The following RELCH variants were observed in gnomAD, a reference collection of about 807,000 sequenced individuals.
The protein encoded by RELCH is RAB11 binding and LisH domain, coiled-coil and HEAT repeat containing, also known as RAB11-binding protein RELCH.
In RELCH, 41 loss-of-function variants were observed where a neutral mutation model predicts 150.3. That is an observed-to-expected ratio of 0.27 (90% CI 0.21 to 0.35). The LOEUF is 0.35. Among genes scored for constraint, RELCH ranks in the 10% least tolerant of loss-of-function variants. RELCH has a pLI of 1.00. For missense variants in RELCH, 1,092 were observed against 1,467.8 expected (o/e 0.74, Z 4.18); for synonymous variants, 478 against 531.8 (o/e 0.90, Z 1.39).
chr18:62,215,523 T>G (rs2040425848), intron 2 of RELCH, among the ~76,000 whole-genome samples: 1 of 152,176 alleles, frequency 6.6e-6, no homozygotes, highest in African/African-American at 2.4e-5. Flanking sequence ...ACATATTCCT[T>G]CAAAGAGGAA....
chr18:62,255,234 C>A (rs1281101248), intron 12 of RELCH, among the ~76,000 whole-genome samples, 173 bp from the exon 13 acceptor site: 1 of 152,064 alleles, frequency 6.6e-6, no homozygotes, highest in Non-Finnish European at 1.5e-5. Flanking sequence ...TATTTAGGTT[C>A]TCCCTCACTC....
chr18:62,291,017 T>A lies in RELCH; in HGVS notation c.3371-526T>A, dbSNP rs568340112. Among the ~76,000 whole-genome samples, 19 of 152,216 alleles carry A rather than the reference T, an allele frequency of 1.2e-4. 1 individual carries two copies. The highest frequency in any genetic ancestry group is 4.6e-4 in the African/African-American group (19 of 41,454). On this transcript the variant is annotated intron_variant, in intron 26 of 28. Coordinates refer to ENST00000644646, the MANE Select transcript of RELCH (RefSeq NM_001346231.2). ...CATCTGTAATGCAGTTGTCTATGAT[T>A]TGCAGGTTAAAGTTCTTTAAAGAGG...
Position 62,298,820 on chromosome 18 carries a change from G to C in RELCH, c.3490G>C (p.Glu1164Gln). The change falls in exon 28 of 29, where the codon GAA becomes CAA. Residue 1164 changes from glutamate (E) to glutamine (Q), a missense_variant. Glu to Gln is a conservative substitution (Grantham distance 29). Around this residue, in one of 4 missense-constraint regions of RELCH, gnomAD observed 707 missense variants for 1,025.4 expected, o/e 0.69. Transcript: ENST00000644646. ...VILSSMIKEC[E>Q]QKVENKTVQE... Reference sequence around the variant, plus strand: ...TTTAAGTTCCATGATAAAAGAATGTGAACAAAAAGTTGAAAACAAGACCGT... The same window carrying C: ...TTTAAGTTCCATGATAAAAGAATGTCAACAAAAAGTTGAAAACAAGACCGT... 1 of 1,588,958 alleles carries C rather than the reference G, an allele frequency of 6.3e-7. No homozygotes were observed. Among genetic ancestry groups the C allele is most frequent in the Middle Eastern group, 1.7e-4 (1 of 5,996 alleles).
chr18:62,275,894 T>G (rs563977130), intron 22 of RELCH, among the ~76,000 whole-genome samples: 1 of 152,318 alleles, frequency 6.6e-6, no homozygotes, highest in African/African-American at 2.4e-5. Context: ...ATGGAAATGT[T>G]TATTTTATTG....
intron 18 of RELCH, among the ~76,000 whole-genome samples, chr18:62,265,744 G>C (rs1003877032): frequency 2.0e-5 from 3 of 151,928 alleles, no homozygotes; most frequent in African/African-American, 7.2e-5. Context: ...TGTGGGCTTA[G>C]TCTTTTCATG....
chr18:62,209,505 C>T (rs1201418967), intron 1 of RELCH, among the ~76,000 whole-genome samples: 1 of 151,998 alleles, frequency 6.6e-6, no homozygotes, highest in East Asian at 1.9e-4. Context: ...ATCTGTATGC[C>T]AAAACTGTGC....
At chr18:62,221,812 AG>A (rs2040894403) in intron 5 of RELCH, among the ~76,000 whole-genome samples, 1 of 151,862 alleles carries the variant, frequency 6.6e-6, no homozygotes, top group East Asian at 1.9e-4. Flanking sequence ...TTTATAGTAT[AG>A]GTTCTTGTGT....
chr18:62,234,640 GGT>G (rs2041781600), intron 10 of RELCH, among the ~76,000 whole-genome samples: 1 of 151,602 alleles, frequency 6.6e-6, no homozygotes, highest in Non-Finnish European at 1.5e-5. Context: ...ATGTTTACAT[GGT>G]GTAATTTTTT....
chr18:62,274,003 T>C lies in RELCH; in HGVS notation c.2784T>C (p.Val928=). Residue 928 remains valine, a synonymous_variant, in exon 21 of 29, where the codon GTT becomes GTC. Transcript: ENST00000644646. ...AGGAAGAAGACCGAAAACTGTTAGT[T>C]GGATTCTTAGAAGATGTAATGACGC... ...YIQEEDRKLL[V]GFLEDVMTLL... 6.2e-7 allele frequency: 1 copy of C among 1,612,494 alleles called. No individual in the cohort carries two copies. Among genetic ancestry groups the C allele is most frequent in the Non-Finnish European group, 8.5e-7 (1 of 1,178,844 alleles).
At chr18:62,285,914 A>G (rs190859408) in intron 25 of RELCH, 1 of 152,280 alleles carries the variant, frequency 6.6e-6, no homozygotes, top group East Asian at 1.9e-4. Context: ...CCCCAGGACA[A>G]TATGTGTGTA....
chr18:62,280,261 A>G, intron 23 of RELCH: 1 of 922,378 alleles, frequency 1.1e-6, no homozygotes, highest in East Asian at 2.4e-5. Context: ...TAAACCAAGA[A>G]AGGCCAATGA....
intron 23 of RELCH, 81 bp from the exon 24 acceptor site, chr18:62,280,565 T>G: frequency 7.7e-7 from 1 of 1,295,680 alleles, no homozygotes; most frequent in Non-Finnish European, 1.1e-6. Flanking sequence ...ATATTTACCT[T>G]GTACTTACTT....
chr18:62,284,639 T>C (rs1237170739), intron 25 of RELCH, among the ~76,000 whole-genome samples: 1 of 152,188 alleles, frequency 6.6e-6, no homozygotes, highest in Non-Finnish European at 1.5e-5. Flanking sequence ...AATGCGATAG[T>C]GTTATTCCTA....
chr18:62,271,009 G>A (rs1327429112), intron 20 of RELCH, among the ~76,000 whole-genome samples: 1 of 152,118 alleles, frequency 6.6e-6, no homozygotes, highest in Non-Finnish European at 1.5e-5. Flanking sequence ...CATTTGGGTT[G>A]GTTCCAAGTC....
chr18:62,221,949 C>G (rs945333192), intron 5 of RELCH, among the ~76,000 whole-genome samples: 2 of 151,860 alleles, frequency 1.3e-5, no homozygotes, highest in Non-Finnish European at 2.9e-5. Flanking sequence ...AGCTGTATCT[C>G]TCTGAATAGG....
chr18:62,283,512 C>T (rs1002242339), intron 25 of RELCH, among the ~76,000 whole-genome samples: 4 of 152,122 alleles, frequency 2.6e-5, no homozygotes, highest in African/African-American at 4.8e-5. Context: ...CATATCCAGG[C>T]TGGCATATGA....
At chr18:62,258,317 G>T (rs1345654248) in intron 14 of RELCH, among the ~76,000 whole-genome samples, 195 bp from the exon 15 acceptor site, 1 of 151,932 alleles carries the variant, frequency 6.6e-6, no homozygotes, top group Non-Finnish European at 1.5e-5. Flanking sequence ...TTGGCAAGAG[G>T]TATTCTATGT....
At chr18:62,266,813 T>G in intron 19 of RELCH, 64 bp downstream of exon 19, 1 of 940,808 alleles carries the variant, frequency 1.1e-6, no homozygotes. Context: ...AAATACTATA[T>G]TCTCCATATA....
rs1802198110 is a variant in RELCH, at chr18:62,264,029, G to T, written c.2391G>T (p.Val797=). ...FPRPMSPLQD[V]STIIGSREQL... Reference sequence around the variant, plus strand: ...GGCCTATGTCGCCTCTTCAAGATGTGTCCACTATTATCGGAAGTCGTGAGC... The same window carrying T: ...GGCCTATGTCGCCTCTTCAAGATGTTTCCACTATTATCGGAAGTCGTGAGC... Residue 797 remains valine, a synonymous_variant, in exon 17 of 29, where the codon GTG becomes GTT. Coordinates refer to ENST00000644646, the MANE Select transcript of RELCH (RefSeq NM_001346231.2). 2 of 1,609,216 alleles carry T rather than the reference G, an allele frequency of 1.2e-6. No individual in the cohort carries two copies. The highest frequency in any genetic ancestry group is 1.7e-6 in the Non-Finnish European group (2 of 1,177,786).
Sources: allele counts gnomAD v4.1 joint callset (sites outside exome capture counted in the v4.1 genomes callset), GRCh38; gene constraint gnomAD v4.1.1; regional missense constraint gnomAD v4.1.1; transcripts MANE v1.5; gene names NCBI Gene and HGNC (gene_info 2026-07-23, HGNC 2026-07-21).